KIF5B: variants seen among roughly 807,000 people sequenced by gnomAD.
The protein encoded by KIF5B is kinesin family member 5B, also known as kinesin-1 heavy chain.
A neutral mutation model predicts 132.8 loss-of-function variants in KIF5B; 49 were observed. That is an observed-to-expected ratio of 0.37 (90% CI 0.29 to 0.47). KIF5B has a LOEUF of 0.47. KIF5B is among the 20% of genes least tolerant of loss of function. The probability of loss-of-function intolerance (pLI) is 1.00; values close to 1 mark genes in which losing one functional copy is unlikely to be tolerated. For synonymous variants in KIF5B, 355 were observed against 369.4 expected, an observed-to-expected ratio of 0.96 and a Z score of 0.45; for missense variants, 780 against 1,144.0, an observed-to-expected ratio of 0.68 and a Z score of 4.59.
At chr10:32,050,010 G>A (rs80198126) in intron 1 of KIF5B, among the ~76,000 whole-genome samples, 1 of 151,880 alleles carries the variant, frequency 6.6e-6, no homozygotes, top group Non-Finnish European at 1.5e-5. Context: ...AGAAAGAGTA[G>A]GTATCCAAAA....
At chr10:32,028,790 C>T (rs1217702519) in intron 14 of KIF5B, among the ~76,000 whole-genome samples, 1 of 152,140 alleles carries the variant, frequency 6.6e-6, no homozygotes, top group Non-Finnish European at 1.5e-5. Flanking sequence ...ACATTGTTTT[C>T]AATTAAGAGC....
At chr10:32,048,721 A>C (rs1156240522) in intron 1 of KIF5B, among the ~76,000 whole-genome samples, 170 bp from the exon 2 acceptor site, 1 of 152,184 alleles carries the variant, frequency 6.6e-6, no homozygotes. Flanking sequence ...GCACAAATCC[A>C]TTAGAATAAA....
Position 32,037,587 on chromosome 10 carries a change from T to C in KIF5B, c.519A>G (p.Val173=). Residue 173 remains valine, a synonymous_variant, in exon 7 of 26, where the codon GTA becomes GTG. Transcript: ENST00000302418. ...PYVKGCTERF[V]CSPDEVMDTI... ...TATCCATAACTTCATCTGGACTACA[T>C]ACAAAACGCTCTGTGCACCCCTGTG... is the stretch of plus-strand genomic sequence containing the variant. The C allele has an allele frequency of 6.2e-7, 1 of 1,612,142 alleles. No individual in the cohort carries two copies. The highest frequency in any genetic ancestry group is 8.5e-7 in the Non-Finnish European group (1 of 1,178,176).
intron 20 of KIF5B, among the ~76,000 whole-genome samples, chr10:32,019,426 G>A (rs549553908): frequency 1.3e-5 from 2 of 152,082 alleles, no homozygotes; most frequent in Non-Finnish European, 2.9e-5. Flanking sequence ...AATGAGAAAA[G>A]GTAAACCATG....
At position 32,022,763 on chromosome 10, in the gene KIF5B, C is replaced by T. The variant is rs772312544; in HGVS notation, c.1914+85G>A. 25 of 984,188 alleles carry T rather than the reference C, an allele frequency of 2.5e-5. No individual in the cohort carries two copies. In the Admixed American group the frequency reaches 4.3e-4, roughly 17 times the overall value. The allele number at this position is 984,188 out of a possible 1,614,324, so 61.0% of individuals were successfully genotyped here. On this transcript the variant is annotated intron_variant, in intron 16 of 25. Transcript: ENST00000302418. Reference sequence around the variant, plus strand: ...AACAACTAAATTTCACCTATAGACACACATTTTTCTGAAAACTTGTATAAT... The same window carrying T: ...AACAACTAAATTTCACCTATAGACATACATTTTTCTGAAAACTTGTATAAT...
chr10:32,040,508 C>A (rs780951312), intron 2 of KIF5B, 51 bp from the exon 3 acceptor site: 5 of 1,033,664 alleles, frequency 4.8e-6, no homozygotes, highest in South Asian at 1.3e-5. Flanking sequence ...AAGCAAGATT[C>A]CTAAGAAATT....
intron 11 of KIF5B, 98 bp from the exon 12 acceptor site, chr10:32,034,136 A>ATTGAGACTCT: frequency 1.5e-6 from 1 of 682,696 alleles, no homozygotes; most frequent in Non-Finnish European, 2.3e-6. Context: ...TTTGAGACAG[A>ATTGAGACTCT]GTCTCAATCT....
chr10:32,048,650 T>C (rs1386355238), intron 1 of KIF5B, 99 bp from the exon 2 acceptor site: 1 of 714,866 alleles, frequency 1.4e-6, no homozygotes, highest in Non-Finnish European at 2.3e-6. Context: ...ATCCTCAAAA[T>C]AGTATACCTA....
At chr10:32,051,543 C>T (rs1413157227) in intron 1 of KIF5B, among the ~76,000 whole-genome samples, 1 of 152,148 alleles carries the variant, frequency 6.6e-6, no homozygotes, top group Non-Finnish European at 1.5e-5. Context: ...CCACTACAAC[C>T]TTACTAAAAT....
chr10:32,048,851 T>C (rs769428304), intron 1 of KIF5B, among the ~76,000 whole-genome samples: 8 of 152,150 alleles, frequency 5.3e-5, no homozygotes, highest in Non-Finnish European at 1.0e-4. Flanking sequence ...TGCTGAGTGA[T>C]TTTTATTTTT....
At chr10:32,014,434 C>T (rs1159551778) in intron 25 of KIF5B, among the ~76,000 whole-genome samples, 1 of 149,216 alleles carries the variant, frequency 6.7e-6, no homozygotes, top group Non-Finnish European at 1.5e-5. Flanking sequence ...GGCAGGGGGC[C>T]GGAAAAAAAA....
At chr10:32,045,908 G>T (rs900497451) in intron 2 of KIF5B, among the ~76,000 whole-genome samples, 3 of 152,132 alleles carry the variant, frequency 2.0e-5, no homozygotes, top group African/African-American at 7.2e-5. Flanking sequence ...TGAAATAACT[G>T]CCAACAATCT....
chr10:32,020,947 G>T, intron 19 of KIF5B, 75 bp downstream of exon 19: 1 of 707,492 alleles, frequency 1.4e-6, no homozygotes, highest in South Asian at 2.4e-5. Context: ...AAAACTGCAG[G>T]TTTCTAATAA....
chr10:32,054,077 A>G (rs918435584), intron 1 of KIF5B, among the ~76,000 whole-genome samples: 13 of 152,250 alleles, frequency 8.5e-5, no homozygotes, highest in African/African-American at 2.7e-4. Flanking sequence ...AATCATAGTG[A>G]TAACTACAGA....
At chr10:32,029,366 C>T (rs916107144) in intron 14 of KIF5B, among the ~76,000 whole-genome samples, 20 of 152,244 alleles carry the variant, frequency 1.3e-4, no homozygotes, top group African/African-American at 3.9e-4. Context: ...AAATCTGAAA[C>T]GCTTGGGGCT....
intron 2 of KIF5B, among the ~76,000 whole-genome samples, chr10:32,047,368 T>C (rs1162778392): frequency 2.6e-5 from 4 of 152,120 alleles, no homozygotes; most frequent in African/African-American, 9.7e-5. Context: ...CCTTTGACTA[T>C]ATCCTCAATT....
chr10:32,038,646 GA>G (rs146797379), intron 5 of KIF5B, 131 bp downstream of exon 5: 18,467 of 614,724 alleles, frequency 0.03, 401 homozygotes, highest in Non-Finnish European at 0.039. Context: ...AACTTTAGAA[GA>G]AAAAAAATTT....
intron 15 of KIF5B, among the ~76,000 whole-genome samples, chr10:32,027,849 T>C (rs1382148426): frequency 1.3e-5 from 2 of 152,180 alleles, no homozygotes; most frequent in East Asian, 1.9e-4. Flanking sequence ...GTGATCCTCC[T>C]GCCTTGGCCT....
intron 3 of KIF5B, among the ~76,000 whole-genome samples, chr10:32,040,167 A>G (rs1460637411): frequency 6.6e-6 from 1 of 152,256 alleles, no homozygotes; most frequent in Non-Finnish European, 1.5e-5. Flanking sequence ...GCTAACTGAT[A>G]AAACAATCTC....
Sources: allele counts gnomAD v4.1 joint callset (sites outside exome capture counted in the v4.1 genomes callset), GRCh38; gene constraint gnomAD v4.1.1; transcripts MANE v1.5; gene names NCBI Gene and HGNC (gene_info 2026-07-23, HGNC 2026-07-21).